CNTNAP5: variants seen among roughly 807,000 people sequenced by gnomAD.
The protein encoded by CNTNAP5 is contactin associated protein family member 5.
CNTNAP5 carries 72 observed loss-of-function variants against 150.2 expected under a neutral mutation model. The ratio of observed to expected loss-of-function variants is 0.48; its 90% CI spans 0.40 to 0.58. The LOEUF (loss-of-function observed/expected upper bound fraction) is 0.58. CNTNAP5 is among the 20% of genes least tolerant of loss of function. The pLI, the probability that CNTNAP5 is intolerant of heterozygous loss-of-function variation, is 0.00. For synonymous variants in CNTNAP5, 672 were observed against 619.8 expected, an observed-to-expected ratio of 1.08 and a Z score of -1.25; for missense variants, 1,636 against 1,626.2, an observed-to-expected ratio of 1.01 and a Z score of -0.10.
intron 1 of CNTNAP5, among the ~76,000 whole-genome samples, chr2:124,191,900 GA>G (rs1260905888): frequency 9.5e-4 from 131 of 138,290 alleles, no homozygotes; most frequent in Middle Eastern, 3.8e-3. Flanking sequence ...CTCCATCTCT[GA>G]AAAAAAAAAA....
At chr2:124,798,640 C>T (rs1249758198) in intron 19 of CNTNAP5, among the ~76,000 whole-genome samples, 1 of 152,186 alleles carries the variant, frequency 6.6e-6, no homozygotes, top group Non-Finnish European at 1.5e-5. Context: ...ATCCGAATTT[C>T]AGAAGGACAC....
At chr2:124,760,554 C>T (rs961598507) in intron 14 of CNTNAP5, among the ~76,000 whole-genome samples, 5 of 151,924 alleles carry the variant, frequency 3.3e-5, no homozygotes, top group Non-Finnish European at 1.5e-5. Context: ...CTGTACCATA[C>T]CCTTGCTCTT....
At chr2:124,484,163 A>G (rs1183102198) in intron 7 of CNTNAP5, among the ~76,000 whole-genome samples, 1 of 152,250 alleles carries the variant, frequency 6.6e-6, no homozygotes, top group Admixed American at 6.5e-5. Context: ...AGGGATAGTA[A>G]GTTCAGGAAA....
intron 19 of CNTNAP5, among the ~76,000 whole-genome samples, chr2:124,822,982 T>G (rs1321436099): frequency 6.6e-6 from 1 of 152,196 alleles, no homozygotes; most frequent in African/African-American, 2.4e-5. Flanking sequence ...CATATGGAGG[T>G]GCATAAGGCA....
intron 2 of CNTNAP5, among the ~76,000 whole-genome samples, chr2:124,226,114 C>T (rs927567027): frequency 2.0e-5 from 3 of 151,958 alleles, no homozygotes; most frequent in African/African-American, 7.2e-5. Flanking sequence ...GATTTCATTT[C>T]CTTCAGATAT....
At chr2:124,056,965 G>A (rs1417294118) in intron 1 of CNTNAP5, among the ~76,000 whole-genome samples, 1 of 152,104 alleles carries the variant, frequency 6.6e-6, no homozygotes, top group African/African-American at 2.4e-5. Context: ...CCAAAATTCA[G>A]TTGTTGTTTG....
At position 124,084,873 on chromosome 2, in the gene CNTNAP5, G is replaced by A. The variant is rs142483225; in HGVS notation, c.82+59141G>A. On this transcript the variant is annotated intron_variant, in intron 1 of 23. Coordinates refer to ENST00000682447, the MANE Select transcript of CNTNAP5 (RefSeq NM_001367498.1). ...ATAATACTCCAGTGAAACTATCTGT[G>A]TCTAGAGATTTTTTTGGGGATGTTT... Among the ~76,000 whole-genome samples the A allele has an allele frequency of 1.2e-3, 168 of 140,060 alleles. 2 individuals are homozygous for A. Among genetic ancestry groups the A allele is most frequent in the African/African-American group, 4.1e-3 (157 of 38,046 alleles). 91.9% of individuals were successfully genotyped at this position (140,060 alleles called of 152,430 possible).
At position 124,920,838 on chromosome 2, in the gene CNTNAP5, G is replaced by T. The variant is rs1293477262; in HGVS notation, c.*6550G>T. Among the ~76,000 whole-genome samples, 2 of 152,070 alleles carry T rather than the reference G, an allele frequency of 1.3e-5. No homozygotes were observed. Among genetic ancestry groups the T allele is most frequent in the Non-Finnish European group, 2.9e-5 (2 of 68,010 alleles). ...GGCATGTTCAGGCCCTCCTTTTCAGGGAATGAGAAAGAGTGGGGAGGGTAT... is the reference window on the plus strand; with the variant it reads ...GGCATGTTCAGGCCCTCCTTTTCAGTGAATGAGAAAGAGTGGGGAGGGTAT... On this transcript the variant is annotated 3_prime_UTR_variant, in exon 24 of 24. Coordinates refer to ENST00000682447, the MANE Select transcript of CNTNAP5 (RefSeq NM_001367498.1).
chr2:124,715,808 G>A (rs926630596), intron 13 of CNTNAP5, among the ~76,000 whole-genome samples: 3 of 152,124 alleles, frequency 2.0e-5, no homozygotes, highest in Non-Finnish European at 2.9e-5. Context: ...GGATATGGGG[G>A]AACAGCTACT....
Position 124,397,901 on chromosome 2 carries a change from G to A in CNTNAP5, c.382-19542G>A, listed in dbSNP as rs79248330. Among the ~76,000 whole-genome samples the A allele has an allele frequency of 4.6e-5, 7 of 152,140 alleles. 1 individual carries two copies. In the East Asian group the frequency reaches 1.2e-3, roughly 25 times the overall value. ...GAATGAAAAATCGCAACTTTGTAGA[G>A]CCACCAGCAAAACATTGCCATCAGA... On this transcript the variant is annotated intron_variant, in intron 3 of 23. Transcript: ENST00000682447.
chr2:124,091,176 G>A (rs1253118521), intron 1 of CNTNAP5, among the ~76,000 whole-genome samples: 2 of 152,156 alleles, frequency 1.3e-5, no homozygotes, highest in Non-Finnish European at 2.9e-5. Flanking sequence ...ACCTCACCTG[G>A]TAGGGTGAAA....
At position 124,050,807 on chromosome 2, in the gene CNTNAP5, C is replaced by A. The variant is rs145300552; in HGVS notation, c.82+25075C>A. ...AAATATCAGTCTCACACACTGTTTG[C>A]AGCTGGGATTGCACTTTGCATACTC... On this transcript the variant is annotated intron_variant, in intron 1 of 23. Coordinates refer to ENST00000682447, the MANE Select transcript of CNTNAP5 (RefSeq NM_001367498.1). 5.7e-3 allele frequency among the ~76,000 whole-genome samples: 869 copies of A among 152,306 alleles called. 7 individuals carry two copies. Among genetic ancestry groups the A allele is most frequent in the African/African-American group, 0.019 (804 of 41,568 alleles).
At chr2:124,233,311 C>T (rs1313136875) in intron 2 of CNTNAP5, among the ~76,000 whole-genome samples, 1 of 152,038 alleles carries the variant, frequency 6.6e-6, no homozygotes, top group African/African-American at 2.4e-5. Context: ...ATGAACATCT[C>T]CTAGGAACTT....
At chr2:124,085,839 T>C (rs1682674961) in intron 1 of CNTNAP5, among the ~76,000 whole-genome samples, 1 of 152,254 alleles carries the variant, frequency 6.6e-6, no homozygotes, top group South Asian at 2.1e-4. Flanking sequence ...ATCTGTGATA[T>C]TCTATTTCCG....
intron 1 of CNTNAP5, among the ~76,000 whole-genome samples, chr2:124,193,689 G>T (rs1203552074): frequency 6.6e-6 from 1 of 152,110 alleles, no homozygotes; most frequent in Non-Finnish European, 1.5e-5. Flanking sequence ...AGGAGGGAGC[G>T]AAATTTCACC....
intron 3 of CNTNAP5, among the ~76,000 whole-genome samples, chr2:124,402,853 T>C (rs537303682): frequency 4.6e-5 from 7 of 152,316 alleles, no homozygotes; most frequent in African/African-American, 1.7e-4. Context: ...ATTTCAGAGT[T>C]CCTCTTAGCT....
intron 3 of CNTNAP5, among the ~76,000 whole-genome samples, chr2:124,379,878 G>A (rs760804831): frequency 5.3e-5 from 8 of 152,086 alleles, no homozygotes; most frequent in Non-Finnish European, 8.8e-5. Context: ...GGAGAGGAGA[G>A]GGTGAAGAGG....
chr2:124,609,199 GAT>G (rs1491367065), intron 11 of CNTNAP5, among the ~76,000 whole-genome samples: 3 of 152,278 alleles, frequency 2.0e-5, no homozygotes, highest in Non-Finnish European at 2.9e-5. Flanking sequence ...AGGTCATAGA[GAT>G]AAGCAAAGAG....
At chr2:124,411,691 A>C (rs374031374) in intron 3 of CNTNAP5, among the ~76,000 whole-genome samples, 1,077 of 89,898 alleles carry the variant, frequency 0.012, 47 homozygotes, top group East Asian at 0.077. Flanking sequence ...CTTCATGCTA[A>C]AAACTCTCAA....
Sources: gnomAD v4.1 joint callset for allele counts (sites outside exome capture counted in the v4.1 genomes callset) on GRCh38, gnomAD v4.1.1 for gene constraint, MANE v1.5 for transcripts, NCBI Gene and HGNC (gene_info 2026-07-23, HGNC 2026-07-21) for gene names.